Variants in PCDHA6 observed in about 807,000 individuals in gnomAD.
PCDHA6 encodes protocadherin alpha 6.
In PCDHA6, 55 loss-of-function variants were observed where a neutral mutation model predicts 60.3. The observed-to-expected ratio is 0.91, with a 90% CI of 0.73 to 1.14. The LOEUF (loss-of-function observed/expected upper bound fraction) is 1.14, where lower values mean the gene tolerates loss of function less well. Among genes scored for constraint, PCDHA6 ranks in the 50% most tolerant of loss-of-function variants. The probability of loss-of-function intolerance (pLI) is 0.00; values close to 1 mark genes in which losing one functional copy is unlikely to be tolerated. For synonymous variants in PCDHA6, 652 were observed against 557.9 expected, an observed-to-expected ratio of 1.17 and a Z score of -2.38; for missense variants, 1,327 against 1,256.5, an observed-to-expected ratio of 1.06 and a Z score of -0.85.
intron 1 of PCDHA6, among the ~76,000 whole-genome samples, chr5:140,965,125 C>A (rs571083058): frequency 6.6e-6 from 1 of 152,308 alleles, no homozygotes; most frequent in Non-Finnish European, 1.5e-5. Context: ...GGAAGATCTA[C>A]AGATGACAGA....
chr5:140,854,753 A>G (rs1305589005), intron 1 of PCDHA6: 1 of 149,806 alleles, frequency 6.7e-6, no homozygotes, highest in Non-Finnish European at 1.5e-5. Context: ...GATATATTAC[A>G]TTTTCATTCC....
At chr5:140,912,312 T>C (rs2075860793) in intron 1 of PCDHA6, among the ~76,000 whole-genome samples, 1 of 151,960 alleles carries the variant, frequency 6.6e-6, no homozygotes, top group African/African-American at 2.4e-5. Flanking sequence ...TCCAGTCAAG[T>C]TGACCCTCAG....
intron 3 of PCDHA6, among the ~76,000 whole-genome samples, chr5:140,996,592 C>T (rs2097733979): frequency 6.7e-6 from 1 of 149,052 alleles, no homozygotes; most frequent in African/African-American, 2.4e-5. Context: ...AGGGCCGCCT[C>T]CCCCCATTTT....
intron 1 of PCDHA6, chr5:140,856,710 T>A: frequency 6.3e-7 from 1 of 1,596,610 alleles, no homozygotes; most frequent in Non-Finnish European, 8.6e-7. Context: ...AAACCTGAAT[T>A]TACCGGATCT....
intron 1 of PCDHA6, chr5:140,836,819 CT>C: frequency 9.0e-7 from 1 of 1,113,456 alleles, no homozygotes; most frequent in Non-Finnish European, 1.3e-6. Context: ...TTCATAATTT[CT>C]TTTTTAGTTG....
intron 1 of PCDHA6, chr5:140,877,395 C>T (rs375548936): frequency 4.3e-6 from 7 of 1,613,958 alleles, no homozygotes; most frequent in Middle Eastern, 1.6e-4. Flanking sequence ...ATGAGGCGGA[C>T]GCTCCGCGCC....
intron 1 of PCDHA6, among the ~76,000 whole-genome samples, chr5:140,975,611 A>C (rs191363875): frequency 7.0e-4 from 106 of 152,356 alleles, no homozygotes; most frequent in African/African-American, 2.4e-3. Flanking sequence ...GATGTCTTCC[A>C]CATGGATTTC....
chr5:140,874,005 C>T (rs887497526), intron 1 of PCDHA6, among the ~76,000 whole-genome samples: 1 of 152,100 alleles, frequency 6.6e-6, no homozygotes, highest in South Asian at 2.1e-4. Context: ...GTACATTGAC[C>T]ACTTTTGAAA....
chr5:140,854,089 G>A, intron 1 of PCDHA6: 1 of 266,188 alleles, frequency 3.8e-6, no homozygotes, highest in Non-Finnish European at 5.6e-6. Flanking sequence ...TTGAGCCTGG[G>A]ACATTGAGGC....
chr5:140,928,149 T>G (rs782254175), intron 1 of PCDHA6: 3 of 1,614,194 alleles, frequency 1.9e-6, no homozygotes, highest in Non-Finnish European at 2.5e-6. Context: ...CGGCCTCAGA[T>G]AGTGGCTCAC....
intron 1 of PCDHA6, chr5:140,841,287 A>C: frequency 1.3e-6 from 2 of 1,554,152 alleles, no homozygotes; most frequent in Non-Finnish European, 1.7e-6. Flanking sequence ...CTTTATATTA[A>C]GATAATATTT....
At chr5:140,872,294 T>C in intron 1 of PCDHA6, among the ~76,000 whole-genome samples, 1 of 152,190 alleles carries the variant, frequency 6.6e-6, no homozygotes, top group East Asian at 1.9e-4. Flanking sequence ...AAGCCTTGCA[T>C]TCTTATATGC....
chr5:140,999,332 T>TTATAA (rs1554256746), intron 3 of PCDHA6, among the ~76,000 whole-genome samples: 1 of 152,222 alleles, frequency 6.6e-6, no homozygotes, highest in Non-Finnish European at 1.5e-5. Flanking sequence ...TCTGTGTGAT[T>TTATAA]TATAAGCCTT....
At chr5:140,931,947 T>C (rs782000891) in intron 1 of PCDHA6, among the ~76,000 whole-genome samples, 1 of 151,972 alleles carries the variant, frequency 6.6e-6, no homozygotes, top group Non-Finnish European at 1.5e-5. Context: ...GTCTGAGTCT[T>C]ACAGAATCAT....
At chr5:140,871,121 A>G (rs1554165161) in intron 1 of PCDHA6, 4 of 1,613,320 alleles carry the variant, frequency 2.5e-6, no homozygotes, top group Non-Finnish European at 3.4e-6. Context: ...GAGAGCGGAC[A>G]GGCGCCAAAG....
intron 1 of PCDHA6, among the ~76,000 whole-genome samples, chr5:140,873,901 T>A (rs2153302941): frequency 6.6e-6 from 1 of 152,352 alleles, no homozygotes; most frequent in South Asian, 2.1e-4. Context: ...CCTCAGGTGA[T>A]CTGCCTGCCT....
At chr5:141,002,474 C>T (rs141241701) in intron 3 of PCDHA6, among the ~76,000 whole-genome samples, 65 of 152,334 alleles carry the variant, frequency 4.3e-4, no homozygotes, top group African/African-American at 1.3e-3. Flanking sequence ...TTAGCATTTT[C>T]AAAGGATGAC....
At chr5:140,870,605 G>A (rs1445292626) in intron 1 of PCDHA6, 2 of 1,613,248 alleles carry the variant, frequency 1.2e-6, no homozygotes, top group Non-Finnish European at 1.7e-6. Flanking sequence ...TTGGGCGACC[G>A]CGCGCTGTCG....
intron 3 of PCDHA6, among the ~76,000 whole-genome samples, chr5:140,995,413 C>T (rs1554254672): frequency 6.6e-6 from 1 of 152,176 alleles, no homozygotes; most frequent in East Asian, 1.9e-4. Flanking sequence ...GATTTCATCA[C>T]ATTACTCAGA....
Sources: gnomAD v4.1 joint callset for allele counts (sites outside exome capture counted in the v4.1 genomes callset) on GRCh38, gnomAD v4.1.1 for gene constraint, MANE v1.5 for transcripts, NCBI Gene and HGNC (gene_info 2026-07-23, HGNC 2026-07-21) for gene names.